Variants in BPNT2 observed in about 807,000 individuals in gnomAD.
BPNT2 encodes the protein 3'(2'), 5'-bisphosphate nucleotidase 2.
A neutral mutation model predicts 29.3 loss-of-function variants in BPNT2; 11 were observed. That is an observed-to-expected ratio of 0.38 (90% CI 0.24 to 0.62). BPNT2 has a LOEUF of 0.62. Ranked by LOEUF, BPNT2 falls within the 20% of genes least tolerant of loss-of-function variation. The pLI is 0.62. For missense variants in BPNT2, 459 were observed against 473.4 expected (o/e 0.97, Z 0.28); for synonymous variants, 195 against 187.7 (o/e 1.04, Z -0.32).
At chr8:56,971,314 G>A (rs1364010198) in intron 3 of BPNT2, among the ~76,000 whole-genome samples, 1 of 149,478 alleles carries the variant, frequency 6.7e-6, no homozygotes, top group African/African-American at 2.5e-5. Flanking sequence ...AAAGTGGTTG[G>A]TTGGTACGTT....
At chr8:56,978,267 A>T (rs956469349) in intron 2 of BPNT2, 122 bp from the exon 3 acceptor site, 58 of 735,474 alleles carry the variant, frequency 7.9e-5, no homozygotes, top group Non-Finnish European at 1.4e-4. Flanking sequence ...TTCCAAAACA[A>T]CAATCCCTTC....
At chr8:56,974,506 C>T (rs1055650542) in intron 3 of BPNT2, among the ~76,000 whole-genome samples, 11 of 152,040 alleles carry the variant, frequency 7.2e-5, no homozygotes, top group Non-Finnish European at 1.5e-5. Context: ...GTAAACATAC[C>T]GATACTTAAC....
At chr8:56,992,471 T>A (rs566776164) in intron 1 of BPNT2, among the ~76,000 whole-genome samples, 2 of 152,184 alleles carry the variant, frequency 1.3e-5, no homozygotes, top group Non-Finnish European at 2.9e-5. Context: ...TGTCTGGATT[T>A]CCTTAAGAAA....
At chr8:56,977,997 T>C (rs1327654723) in intron 3 of BPNT2, 53 bp downstream of exon 3, 14 of 1,099,470 alleles carry the variant, frequency 1.3e-5, no homozygotes, top group African/African-American at 7.7e-5. Flanking sequence ...GTAAATACTA[T>C]AGACAAACAG....
rs1229339823 is a variant in BPNT2, at chr8:56,960,275, G to T, written c.*3518C>A. 3 of 152,120 alleles carry T rather than the reference G, an allele frequency of 2.0e-5. No homozygotes were observed. The highest frequency in any genetic ancestry group is 7.2e-5 in the African/African-American group (3 of 41,418). The allele number at this position is 152,120 out of a possible 1,614,324, so 9.4% of individuals were successfully genotyped here. On this transcript the variant is annotated 3_prime_UTR_variant, in exon 5 of 5. Coordinates refer to ENST00000262644, the MANE Select transcript of BPNT2 (RefSeq NM_017813.5). ...AAAGCCTAAGTGAGATCCAATTTTT[G>T]AATTCAACATGAAACAAGGACAGAT...
chr8:56,964,152 G>C, intron 4 of BPNT2, 88 bp from the exon 5 acceptor site: 1 of 935,532 alleles, frequency 1.1e-6, no homozygotes, highest in Non-Finnish European at 1.7e-6. Flanking sequence ...TGTTAAAATA[G>C]CAGGATGGAG....
At chr8:56,967,133 T>C (rs550407741) in intron 3 of BPNT2, 12 of 456,226 alleles carry the variant, frequency 2.6e-5, no homozygotes, top group African/African-American at 2.2e-4. Context: ...AATTAGATTG[T>C]TGTTTTAGCA....
intron 3 of BPNT2, among the ~76,000 whole-genome samples, chr8:56,977,109 C>A (rs1806153655): frequency 6.6e-6 from 1 of 152,130 alleles, no homozygotes; most frequent in Non-Finnish European, 1.5e-5. Context: ...GTCCTATCTC[C>A]AATATATCTC....
At chr8:56,966,133 C>T (rs1805944819) in intron 4 of BPNT2, 58 bp downstream of exon 4, 2 of 1,577,994 alleles carry the variant, frequency 1.3e-6, no homozygotes, top group South Asian at 2.2e-5. Context: ...AGTCTCCTAA[C>T]ATAGCCTTGA....
chr8:56,969,175 A>G (rs1192823188), intron 3 of BPNT2, among the ~76,000 whole-genome samples: 1 of 152,234 alleles, frequency 6.6e-6, no homozygotes, highest in Non-Finnish European at 1.5e-5. Context: ...CTTTGAAAGA[A>G]TAATTTTCTG....
rs149367000 is a variant in BPNT2, at chr8:56,963,970, T to A, written c.903A>T (p.Ile301=). Residue 301 remains isoleucine (I), a synonymous_variant, in exon 5 of 5, where the codon ATA becomes ATT. Transcript: ENST00000262644. ...CTTTTAAGATGGCATTACCAGCACA[T>A]ATATCCCACTTTTTGATGTATGTCA... ...IHVTYIKKWD[I]CAGNAILKAL... The A allele has an allele frequency of 7.4e-6, 12 of 1,613,654 alleles. No homozygotes were observed. The highest frequency in any genetic ancestry group is 1.0e-5 in the Non-Finnish European group (12 of 1,179,832).
intron 3 of BPNT2, among the ~76,000 whole-genome samples, chr8:56,966,684 T>G (rs534907741): frequency 6.6e-6 from 1 of 152,234 alleles, no homozygotes; most frequent in South Asian, 2.1e-4. Flanking sequence ...CTATCCAACT[T>G]CCTTCCCTCT....
chr8:56,980,169 G>A lies in BPNT2; in HGVS notation c.416C>T (p.Ala139Val). 1 of 1,613,676 alleles carries A rather than the reference G, an allele frequency of 6.2e-7. No homozygotes were observed. Among genetic ancestry groups the A allele is most frequent in the Non-Finnish European group, 8.5e-7 (1 of 1,179,716 alleles). ...ATCCCACAAGATAACCTCCTGATCA[G>A]CTGCATCCACGTGTTCCTCAGTATT... Reference protein sequence around the residue: ...QINTEEHVDAADQEVILWDHK... With the variant: ...QINTEEHVDAVDQEVILWDHK... The change falls in exon 2 of 5, where the codon GCT becomes GTT. Residue 139 changes from alanine (A) to valine (V), a missense_variant. Ala to Val is a moderately conservative substitution (Grantham distance 64). Transcript: ENST00000262644.
In BPNT2 at chr8:56,978,140, G is replaced by C; in HGVS notation, c.556C>G (p.Leu186Val). 1 of 1,597,998 alleles carries C rather than the reference G, an allele frequency of 6.3e-7. No individual in the cohort carries two copies. The highest frequency in any genetic ancestry group is 2.2e-5 in the East Asian group (1 of 44,768). ...LDATQEYTED[L>V]RKYVTTMVCV... Reference sequence around the variant, plus strand: ...ACCATAGTAGTGACGTACTTTCGAAGATCCTCTATGAGAAAAAAAACAAAA... The same window carrying C: ...ACCATAGTAGTGACGTACTTTCGAACATCCTCTATGAGAAAAAAAACAAAA... The change falls in exon 3 of 5, where the codon CTT becomes GTT. Residue 186 changes from leucine (L) to valine (V), a missense_variant. Transcript: ENST00000262644.
Position 56,980,230 on chromosome 8 carries a change from T to C in BPNT2, c.388-33A>G, listed in dbSNP as rs1303971906. ...AAAAACAGGTGACAGTTAAAAAAAG[T>C]AAGACGAACAATCACTATTTGATAA... On this transcript the variant is annotated intron_variant, in intron 1 of 4. Transcript: ENST00000262644. 2.6e-6 allele frequency: 4 copies of C among 1,565,266 alleles called. No homozygotes were observed. In the Admixed American group the frequency reaches 6.7e-5, roughly 26 times the overall value.
chr8:56,963,633 A>G lies in BPNT2; in HGVS notation c.*160T>C, dbSNP rs1805882203. 1 of 723,746 alleles carries G rather than the reference A, an allele frequency of 1.4e-6. No individual in the cohort carries two copies. The highest frequency in any genetic ancestry group is 1.9e-5 in the South Asian group (1 of 53,902). 44.8% of individuals were successfully genotyped at this position (723,746 alleles called of 1,614,324 possible). A position where few individuals can be genotyped will look rare whatever the true frequency, so the allele number is the denominator to read the frequency against. ...AGCAACCCATTTTCCCTGATTTTGC[A>G]TTCTATTACAGGGAAAATAAGTCTC... On this transcript the variant is annotated 3_prime_UTR_variant, in exon 5 of 5. Coordinates refer to ENST00000262644, the MANE Select transcript of BPNT2 (RefSeq NM_017813.5).
At chr8:56,976,232 C>A (rs891348603) in intron 3 of BPNT2, among the ~76,000 whole-genome samples, 1 of 152,154 alleles carries the variant, frequency 6.6e-6, no homozygotes, top group Non-Finnish European at 1.5e-5. Flanking sequence ...AGGAAGACAA[C>A]AGCAAAGCAA....
At chr8:56,970,078 A>G (rs894799812) in intron 3 of BPNT2, among the ~76,000 whole-genome samples, 2 of 152,228 alleles carry the variant, frequency 1.3e-5, no homozygotes, top group Non-Finnish European at 2.9e-5. Context: ...ATTTTATAAC[A>G]TCTTTAATAG....
chr8:56,976,935 G>C (rs537913834), intron 3 of BPNT2, among the ~76,000 whole-genome samples: 8 of 152,116 alleles, frequency 5.3e-5, no homozygotes, highest in Non-Finnish European at 1.2e-4. Flanking sequence ...GGAAAGCACT[G>C]ACATGATGTC....
Sources: allele counts gnomAD v4.1 joint callset (sites outside exome capture counted in the v4.1 genomes callset), GRCh38; gene constraint gnomAD v4.1.1; transcripts MANE v1.5; gene names NCBI Gene and HGNC (gene_info 2026-07-23, HGNC 2026-07-21).